The following HUWE1 variants were observed in gnomAD, a reference collection of about 807,000 sequenced individuals.
The protein encoded by HUWE1 is HECT, UBA and WWE domain containing E3 ubiquitin protein ligase 1.
HUWE1 carries 18 observed loss-of-function variants against 299.4 expected under a neutral mutation model. The observed-to-expected ratio is 0.06, with a 90% CI of 0.04 to 0.09. The LOEUF (loss-of-function observed/expected upper bound fraction) is 0.09. HUWE1 is among the 10% of genes least tolerant of loss of function. The pLI, the probability that HUWE1 is intolerant of heterozygous loss-of-function variation, is 1.00. For missense variants in HUWE1, 1,832 were observed against 3,462.3 expected (o/e 0.53, Z 11.82); for synonymous variants, 1,317 against 1,286.1 (o/e 1.02, Z -0.51).
At chrX:53,569,494 CAG>C (rs1169120776) in intron 48 of HUWE1, 120 bp downstream of exon 48, 2 of 636,034 alleles carry the variant, frequency 3.1e-6, no homozygotes, top group Non-Finnish European at 5.2e-6. Context: ...TTGAGCGGAC[CAG>C]AGAGTATATG....
At position 53,634,218 on chromosome X, in the gene HUWE1, T is replaced by C; in HGVS notation, c.567+18A>G. 3 of 1,169,735 alleles carry C rather than the reference T, an allele frequency of 2.6e-6. No individual in the cohort carries two copies. The highest frequency in any genetic ancestry group is 3.5e-6 in the Non-Finnish European group (3 of 857,432). On this transcript the variant is annotated intron_variant, in intron 8 of 83. Coordinates refer to ENST00000262854, the MANE Select transcript of HUWE1 (RefSeq NM_031407.7). Reference sequence around the variant, plus strand: ...ACAGCTCTGTCAAAAGACACCCATATCCCAAAGAGTTACTTACCATCATAT... The same window carrying C: ...ACAGCTCTGTCAAAAGACACCCATACCCCAAAGAGTTACTTACCATCATAT...
intron 77 of HUWE1, 90 bp downstream of exon 77, chrX:53,538,247 A>G: frequency 1.6e-6 from 1 of 626,082 alleles, no homozygotes; most frequent in Non-Finnish European, 2.7e-6. Context: ...CACCAAAGGA[A>G]ATTTGTGGCC....
intron 42 of HUWE1, among the ~76,000 whole-genome samples, chrX:53,582,049 C>T (rs782775259): frequency 8.9e-6 from 1 of 112,039 alleles, no homozygotes; most frequent in South Asian, 3.7e-4. Flanking sequence ...GTTTTCCACA[C>T]CTGTACTAGC....
chrX:53,631,780 C>G (rs918051188), intron 9 of HUWE1, 166 bp from the exon 10 acceptor site: 4 of 454,532 alleles, frequency 8.8e-6, no homozygotes, highest in Non-Finnish European at 1.5e-5. Flanking sequence ...TCCAAAACAT[C>G]CATCTTATAT....
Position 53,548,974 on chromosome X carries a change from G to C in HUWE1, c.10020C>G (p.Leu3340=). Residue 3340 remains leucine, a synonymous_variant, in exon 67 of 84, where the codon CTC becomes CTG. Transcript: ENST00000262854. ...AAACCCTCACCTTGGCCAATTGAAT[G>C]AGTGTATCCAAAACGTGTCTGCAGA... ...PVVCRHVLDT[L]IQLAKVFPSH... is the part of the protein sequence containing the mutation. 8.3e-7 allele frequency: 1 copy of C among 1,200,637 alleles called. No homozygotes were observed. The highest frequency in any genetic ancestry group is 1.7e-5 in the African/African-American group (1 of 57,521).
rs782118576 is a variant in HUWE1, at chrX:53,628,807, G to A, written c.1059C>T (p.Ala353=). 2.4e-5 allele frequency: 29 copies of A among 1,208,473 alleles called. No individual in the cohort carries two copies. Among genetic ancestry groups the A allele is most frequent in the Non-Finnish European group, 3.1e-5 (28 of 893,510 alleles). The change falls in exon 14 of 84, where the codon GCC becomes GCT. Residue 353 remains alanine, a synonymous_variant. Coordinates refer to ENST00000262854, the MANE Select transcript of HUWE1 (RefSeq NM_031407.7). ...GCACTGGCAAAAATCCATGGTAGGA[G>A]GCAGTTCCAGTACAGTCAATAATAC... ...LSSIIDCTGT[A]SYHGFLPVLV...
In HUWE1 at chrX:53,583,639, G is replaced by A; in HGVS notation, c.5439C>T (p.Phe1813=). Residue 1813 remains phenylalanine, a synonymous_variant, in exon 42 of 84, where the codon TTC becomes TTT. Coordinates refer to ENST00000262854, the MANE Select transcript of HUWE1 (RefSeq NM_031407.7). The stretch of plus-strand genomic sequence containing the variant: ...GGGTGACCAGGGGAGTAAACCCATT[G>A]AAGCCTGAGCTCTGGGTCAAATTCA... ...MILNLTQSSG[F]NGFTPLVTLL... The A allele has an allele frequency of 4.1e-6, 5 of 1,211,163 alleles. No homozygotes were observed. The highest frequency in any genetic ancestry group is 3.4e-6 in the Non-Finnish European group (3 of 895,020).
At chrX:53,572,702 T>C (rs191264495) in intron 47 of HUWE1, among the ~76,000 whole-genome samples, 98 of 112,483 alleles carry the variant, frequency 8.7e-4, no homozygotes, top group Non-Finnish European at 1.5e-3. Flanking sequence ...ACAGCTCTAC[T>C]AATGAACATT....
At position 53,575,800 on chromosome X, in the gene HUWE1, G is replaced by T. The variant is rs1189690793; in HGVS notation, c.5885-12C>A. ...ATCAGATTTATCTGCTAGGAAAACA[G>T]TAACAACCATCAAAAACAAAATAAA... On this transcript the variant is annotated splice_polypyrimidine_tract_variant and intron_variant, in intron 44 of 83. Transcript: ENST00000262854. The T allele has an allele frequency of 1.7e-6, 2 of 1,208,033 alleles. No homozygotes were observed. Among genetic ancestry groups the T allele is most frequent in the African/African-American group, 3.5e-5 (2 of 57,230 alleles).
At chrX:53,623,683 A>G (rs1333295563) in intron 19 of HUWE1, among the ~76,000 whole-genome samples, 3 of 112,740 alleles carry the variant, frequency 2.7e-5, no homozygotes, top group Non-Finnish European at 3.7e-5. Context: ...CAAAGTAAAA[A>G]TGCATTTGCA....
At chrX:53,615,701 T>G (rs1393083390) in intron 22 of HUWE1, 43 bp downstream of exon 22, 3 of 1,055,148 alleles carry the variant, frequency 2.8e-6, no homozygotes, top group African/African-American at 3.7e-5. Flanking sequence ...CTTCCCCTTC[T>G]CTGCTCTCTC....
At chrX:53,648,113 T>G in intron 5 of HUWE1, 99 bp downstream of exon 5, 3 of 581,662 alleles carry the variant, frequency 5.2e-6, no homozygotes, top group Non-Finnish European at 8.9e-6. Context: ...AATTGCTGAA[T>G]GAGGCTATCC....
chrX:53,595,136 C>A, intron 30 of HUWE1, 51 bp downstream of exon 30: 1 of 1,048,625 alleles, frequency 9.5e-7, no homozygotes, highest in East Asian at 3.0e-5. Flanking sequence ...GAACAACTTA[C>A]ATATTTTTTA....
intron 7 of HUWE1, 45 bp downstream of exon 7, chrX:53,645,266 A>C (rs962855667): frequency 1.7e-6 from 2 of 1,188,368 alleles, no homozygotes; most frequent in South Asian, 1.8e-5. Flanking sequence ...AAGGAACCAT[A>C]TGCTCCAATT....
In HUWE1 at chrX:53,600,167, G is replaced by A. The variant is rs781848587; in HGVS notation, c.3114C>T (p.Ile1038=). The change falls in exon 29 of 84, where the codon ATC becomes ATT. Residue 1038 remains isoleucine, a synonymous_variant. Coordinates refer to ENST00000262854, the MANE Select transcript of HUWE1 (RefSeq NM_031407.7). ...TAATTCTGGCAGCCATTGCTGGTGTGATTTTAGATTTGCCCTTAGAGTCTG... is the reference window on the plus strand; with the variant it reads ...TAATTCTGGCAGCCATTGCTGGTGTAATTTTAGATTTGCCCTTAGAGTCTG... ...TASDSKGKSK[I]TPAMAARIKQ... 2.2e-4 allele frequency: 263 copies of A among 1,210,053 alleles called. No individual in the cohort carries two copies. The highest frequency in any genetic ancestry group is 2.7e-4 in the Non-Finnish European group (242 of 894,936).
chrX:53,679,887 T>C (rs2070041103), intron 3 of HUWE1, among the ~76,000 whole-genome samples, 162 bp downstream of exon 3: 1 of 111,600 alleles, frequency 9.0e-6, no homozygotes, highest in Non-Finnish European at 1.9e-5. Flanking sequence ...AATTCAGTAA[T>C]GAGCTCCACT....
At chrX:53,673,604 T>C (rs2069664516) in intron 3 of HUWE1, among the ~76,000 whole-genome samples, 1 of 111,965 alleles carries the variant, frequency 8.9e-6, no homozygotes, top group Admixed American at 9.5e-5. Context: ...TTTTTAATAA[T>C]TCTGCTCATG....
intron 58 of HUWE1, 47 bp downstream of exon 58, chrX:53,558,924 A>AGG (rs2062156932): frequency 8.6e-7 from 1 of 1,167,617 alleles, no homozygotes; most frequent in African/African-American, 1.8e-5. Context: ...CGTTTGCCCT[A>AGG]GCTCTGGAAG....
chrX:53,612,537 C>T (rs1192851001), intron 23 of HUWE1, among the ~76,000 whole-genome samples: 5 of 112,015 alleles, frequency 4.5e-5, no homozygotes, highest in Non-Finnish European at 9.4e-5. Flanking sequence ...CTACTGACTA[C>T]CTACTATATA....
Sources: allele counts gnomAD v4.1 joint callset (sites outside exome capture counted in the v4.1 genomes callset), GRCh38; gene constraint gnomAD v4.1.1; transcripts MANE v1.5; gene names NCBI Gene and HGNC (gene_info 2026-07-23, HGNC 2026-07-21).